The following HS6ST3 variants were observed in gnomAD, a reference collection of about 807,000 sequenced individuals.
The protein encoded by HS6ST3 is heparan sulfate 6-O-sulfotransferase 3.
HS6ST3 carries 12 observed loss-of-function variants against 36.7 expected under a neutral mutation model. That is an observed-to-expected ratio of 0.33 (90% CI 0.21 to 0.53). The LOEUF (loss-of-function observed/expected upper bound fraction) is 0.53. Ranked by LOEUF, HS6ST3 falls within the 20% of genes least tolerant of loss-of-function variation. The pLI is 0.95. For synonymous variants in HS6ST3, 240 were observed against 257.5 expected, an observed-to-expected ratio of 0.93 and a Z score of 0.65; for missense variants, 584 against 640.9, an observed-to-expected ratio of 0.91 and a Z score of 0.96.
intron 1 of HS6ST3, among the ~76,000 whole-genome samples, chr13:96,771,964 A>G (rs1361431748): frequency 6.6e-6 from 1 of 152,154 alleles, no homozygotes; most frequent in Non-Finnish European, 1.5e-5. Flanking sequence ...GACAGAGTTT[A>G]TGTTTCTGGT....
intron 1 of HS6ST3, among the ~76,000 whole-genome samples, chr13:96,376,329 C>T (rs2055314673): frequency 6.6e-6 from 1 of 152,092 alleles, no homozygotes; most frequent in African/African-American, 2.4e-5. Flanking sequence ...ACCATAAACC[C>T]CATATCATTG....
At chr13:96,826,019 T>C (rs1345542946) in intron 1 of HS6ST3, among the ~76,000 whole-genome samples, 1 of 152,244 alleles carries the variant, frequency 6.6e-6, no homozygotes, top group Non-Finnish European at 1.5e-5. Context: ...CATGTGTTAA[T>C]TAAATGACTT....
chr13:96,320,880 G>A (rs554907114), intron 1 of HS6ST3, among the ~76,000 whole-genome samples: 14 of 152,316 alleles, frequency 9.2e-5, no homozygotes, highest in African/African-American at 3.1e-4. Context: ...TCTGTGTCAT[G>A]GCCCATGATG....
intron 1 of HS6ST3, among the ~76,000 whole-genome samples, chr13:96,316,451 C>A (rs1307158776): frequency 6.6e-6 from 1 of 152,116 alleles, no homozygotes; most frequent in Non-Finnish European, 1.5e-5. Flanking sequence ...GGGTTTTCTC[C>A]AAATGCAACT....
intron 1 of HS6ST3, among the ~76,000 whole-genome samples, chr13:96,557,799 C>T (rs2056246830): frequency 6.6e-6 from 1 of 152,150 alleles, no homozygotes; most frequent in African/African-American, 2.4e-5. Flanking sequence ...AGACCAGGAA[C>T]AGAATAAGAC....
At chr13:96,830,511 A>G (rs1305866899) in intron 1 of HS6ST3, among the ~76,000 whole-genome samples, 2 of 152,184 alleles carry the variant, frequency 1.3e-5, no homozygotes, top group Non-Finnish European at 2.9e-5. Flanking sequence ...CTGTGTATCT[A>G]TATACATGTA....
intron 1 of HS6ST3, among the ~76,000 whole-genome samples, chr13:96,300,296 A>T (rs1439373284): frequency 1.3e-5 from 2 of 151,920 alleles, no homozygotes; most frequent in East Asian, 3.9e-4. Flanking sequence ...ACCTCAGGTG[A>T]TCCACCCGTC....
chr13:96,556,552 C>A (rs932384430), intron 1 of HS6ST3, among the ~76,000 whole-genome samples: 24 of 152,048 alleles, frequency 1.6e-4, no homozygotes, highest in African/African-American at 5.6e-4. Flanking sequence ...TTGGCCAGAA[C>A]TCATGATGTT....
chr13:96,725,803 G>A (rs578055520), intron 1 of HS6ST3, among the ~76,000 whole-genome samples: 13 of 151,728 alleles, frequency 8.6e-5, no homozygotes, highest in African/African-American at 2.7e-4. Flanking sequence ...TCTTGTCTTC[G>A]TGCTTTATGA....
intron 1 of HS6ST3, among the ~76,000 whole-genome samples, chr13:96,210,808 G>T (rs1363168208): frequency 6.6e-6 from 1 of 151,876 alleles, no homozygotes; most frequent in African/African-American, 2.4e-5. Flanking sequence ...TGGTCAGGCT[G>T]GTCGCAAACT....
At chr13:96,805,293 GTTGT>G (rs1878171319) in intron 1 of HS6ST3, among the ~76,000 whole-genome samples, 1 of 152,044 alleles carries the variant, frequency 6.6e-6, no homozygotes, top group South Asian at 2.1e-4. Context: ...ACAAGATCTG[GTTGT>G]TTGAAAGTAT....
intron 1 of HS6ST3, among the ~76,000 whole-genome samples, chr13:96,501,580 C>A (rs1192170179): frequency 2.0e-4 from 31 of 152,188 alleles, no homozygotes; most frequent in Non-Finnish European, 4.4e-5. Context: ...TAGAACAGAG[C>A]CGGGCCCTTA....
intron 1 of HS6ST3, among the ~76,000 whole-genome samples, chr13:96,213,366 A>C (rs2054408205): frequency 6.6e-6 from 1 of 151,938 alleles, no homozygotes; most frequent in Admixed American, 6.6e-5. Context: ...CTGGGGATAT[A>C]TTTTTAACTG....
At chr13:96,696,959 T>G (rs1875145161) in intron 1 of HS6ST3, among the ~76,000 whole-genome samples, 2 of 152,076 alleles carry the variant, frequency 1.3e-5, no homozygotes, top group Non-Finnish European at 2.9e-5. Flanking sequence ...GCAATCAGAA[T>G]CTTCAGACAT....
At chr13:96,669,959 A>G (rs2056677603) in intron 1 of HS6ST3, among the ~76,000 whole-genome samples, 1 of 152,154 alleles carries the variant, frequency 6.6e-6, no homozygotes, top group South Asian at 2.1e-4. Context: ...CTAGAAATTT[A>G]AATTTGAGGA....
Position 96,833,073 on chromosome 13 carries a change from C to A in HS6ST3, c.1291C>A (p.Arg431Ser). 2 of 1,612,260 alleles carry A rather than the reference C, an allele frequency of 1.2e-6. No individual in the cohort carries two copies. Among genetic ancestry groups the A allele is most frequent in the Non-Finnish European group, 1.7e-6 (2 of 1,180,014 alleles). Residue 431 changes from arginine (R) to serine (S), a missense_variant, in exon 2 of 2, where the codon CGC (arginine) becomes AGC (serine). Arg to Ser is a moderately radical substitution (Grantham distance 110, BLOSUM62 -1). Around this residue, in one of 3 missense-constraint regions of HS6ST3, gnomAD observed 360 missense variants for 411.3 expected, o/e 0.88. Transcript: ENST00000376705. ...CAAGCAGCTAGAGCACCAGAGGGAC[C>A]GCCAGAAGCGGCGGGAGGAGCGGAG... The part of the protein sequence containing the change: ...HTKQLEHQRD[R>S]QKRREERRLQ...
At chr13:96,677,742 A>G (rs2056703724) in intron 1 of HS6ST3, among the ~76,000 whole-genome samples, 1 of 152,132 alleles carries the variant, frequency 6.6e-6, no homozygotes, top group Non-Finnish European at 1.5e-5. Context: ...GACATTGTGT[A>G]GTAAATATTT....
At chr13:96,549,916 C>A (rs1195985664) in intron 1 of HS6ST3, among the ~76,000 whole-genome samples, 1 of 152,114 alleles carries the variant, frequency 6.6e-6, no homozygotes, top group Non-Finnish European at 1.5e-5. Flanking sequence ...CTTCGGTATT[C>A]CCTTCTGGCA....
At chr13:96,490,733 A>C (rs1594792271) in intron 1 of HS6ST3, among the ~76,000 whole-genome samples, 2 of 152,194 alleles carry the variant, frequency 1.3e-5, no homozygotes, top group African/African-American at 2.4e-5. Flanking sequence ...GAATATCTAC[A>C]AAGTGGTAAT....
Sources: gnomAD v4.1 joint callset for allele counts (sites outside exome capture counted in the v4.1 genomes callset) on GRCh38, gnomAD v4.1.1 for gene constraint, gnomAD v4.1.1 regional missense constraint, MANE v1.5 for transcripts, NCBI Gene and HGNC (gene_info 2026-07-23, HGNC 2026-07-21) for gene names.